Variants in SPON1 observed in about 807,000 individuals in gnomAD.
The protein encoded by SPON1 is spondin-1.
SPON1 carries 52 observed loss-of-function variants against 111.7 expected under a neutral mutation model. The observed-to-expected ratio is 0.47, with a 90% CI of 0.37 to 0.59. The LOEUF (loss-of-function observed/expected upper bound fraction) is 0.59, where lower values mean the gene tolerates loss of function less well. Among genes scored for constraint, SPON1 ranks in the 20% least tolerant of loss-of-function variants. The pLI is 0.00. For missense variants in SPON1, 957 were observed against 1,068.5 expected, an observed-to-expected ratio of 0.90 and a Z score of 1.46; for synonymous variants, 410 against 395.8, an observed-to-expected ratio of 1.04 and a Z score of -0.43.
intron 6 of SPON1, among the ~76,000 whole-genome samples, chr11:14,179,302 A>C (rs1554933480): frequency 6.6e-6 from 1 of 152,176 alleles, no homozygotes; most frequent in Admixed American, 6.5e-5. Context: ...TTCCACATAA[A>C]AGGGTCAAGA....
intron 6 of SPON1, among the ~76,000 whole-genome samples, chr11:14,198,660 C>T (rs182968319): frequency 3.8e-4 from 58 of 152,290 alleles, no homozygotes; most frequent in East Asian, 2.9e-3. Flanking sequence ...TCATTCAGGG[C>T]GTGGGCCCTG....
chr11:14,244,696 G>A (rs570179807), intron 7 of SPON1, among the ~76,000 whole-genome samples: 10 of 152,118 alleles, frequency 6.6e-5, no homozygotes, highest in African/African-American at 9.7e-5. Context: ...GCAGTGAGCC[G>A]TGATCGCACC....
chr11:14,259,224 C>G lies in SPON1; in HGVS notation c.1493-56C>G. The G allele has an allele frequency of 2.0e-6, 3 of 1,504,656 alleles. No homozygotes were observed. Among genetic ancestry groups the G allele is most frequent in the South Asian group, 2.6e-5 (2 of 77,044 alleles). 93.2% of individuals were successfully genotyped at this position (1,504,656 alleles called of 1,614,324 possible). A position where few individuals can be genotyped will look rare whatever the true frequency, so the allele number is the denominator to read the frequency against. On this transcript the variant is annotated intron_variant, in intron 11 of 15. Transcript: ENST00000576479. The surrounding 1 kb of genome is among the most constrained non-coding windows in gnomAD (Gnocchi z 5.0). Reference sequence around the variant, plus strand: ...TGGCGGGAAGTTCCCACCGCGCAGCCTGGCAGGCGCCCCTGCCACCGTGCA... The same window carrying G: ...TGGCGGGAAGTTCCCACCGCGCAGCGTGGCAGGCGCCCCTGCCACCGTGCA...
chr11:14,053,903 G>A (rs7928421), intron 3 of SPON1, among the ~76,000 whole-genome samples: 8,775 of 152,234 alleles, frequency 0.058, 845 homozygotes, highest in African/African-American at 0.2. Flanking sequence ...TGGAAGAAGC[G>A]AGGGCAGAAG....
intron 7 of SPON1, among the ~76,000 whole-genome samples, chr11:14,244,516 C>CAAAA (rs1335324550): frequency 9.1e-6 from 1 of 109,790 alleles, no homozygotes; most frequent in Non-Finnish European, 1.9e-5. Flanking sequence ...GAATCCATCT[C>CAAAA]AAAAAAAAAA....
chr11:14,008,186 C>T (rs1192233251), intron 2 of SPON1, among the ~76,000 whole-genome samples: 5 of 152,102 alleles, frequency 3.3e-5, no homozygotes, highest in Non-Finnish European at 5.9e-5. Flanking sequence ...CAAAGTATTA[C>T]ATCACATTAG....
Position 14,079,977 on chromosome 11 carries a change from T to C in SPON1, c.632T>C (p.Phe211Ser), listed in dbSNP as rs1353110811. The change falls in exon 5 of 16, where the codon TTT (phenylalanine) becomes TCT (serine). Residue 211 changes from phenylalanine (F) to serine (S), a missense_variant. Phe to Ser is a radical substitution (Grantham distance 155, BLOSUM62 -2). Coordinates refer to ENST00000576479, the MANE Select transcript of SPON1 (RefSeq NM_006108.4). ...GGAACTGCCAAGTACAGACTCACATTTTATGGGAATTGGTCCGAGAAGACA... is the reference window on the plus strand; with the variant it reads ...GGAACTGCCAAGTACAGACTCACATCTTATGGGAATTGGTCCGAGAAGACA... ...ACGTAKYRLT[F>S]YGNWSEKTHP... 1 of 1,613,836 alleles carries C rather than the reference T, an allele frequency of 6.2e-7. No individual in the cohort carries two copies. Among genetic ancestry groups the C allele is most frequent in the Non-Finnish European group, 8.5e-7 (1 of 1,179,884 alleles).
chr11:14,157,526 A>G (rs184574614), intron 6 of SPON1, among the ~76,000 whole-genome samples: 3 of 152,102 alleles, frequency 2.0e-5, no homozygotes, highest in Non-Finnish European at 4.4e-5. Flanking sequence ...ATTTATATTT[A>G]TTGTTTTTGA....
chr11:14,010,852 A>G (rs1375803567), intron 2 of SPON1, among the ~76,000 whole-genome samples: 2 of 152,222 alleles, frequency 1.3e-5, no homozygotes, highest in Non-Finnish European at 2.9e-5. Flanking sequence ...GCTTGAAGAC[A>G]TATTACTGTC....
At chr11:14,091,811 C>T (rs55804036) in intron 5 of SPON1, among the ~76,000 whole-genome samples, 11,854 of 152,280 alleles carry the variant, frequency 0.078, 612 homozygotes, top group Middle Eastern at 0.12. Context: ...TCCTCAAATG[C>T]CGCCAAAGTA....
At chr11:14,151,041 T>A (rs1367715931) in intron 6 of SPON1, among the ~76,000 whole-genome samples, 1 of 152,234 alleles carries the variant, frequency 6.6e-6, no homozygotes, top group Non-Finnish European at 1.5e-5. Context: ...TTTGGCTACA[T>A]GGAGTAGCTG....
chr11:14,200,997 C>T (rs1237890745), intron 6 of SPON1, among the ~76,000 whole-genome samples: 1 of 151,928 alleles, frequency 6.6e-6, no homozygotes, highest in Non-Finnish European at 1.5e-5. Context: ...GGCAAGTTAC[C>T]TACCTCTCTG....
At chr11:14,093,097 T>A (rs1849071791) in intron 5 of SPON1, among the ~76,000 whole-genome samples, 1 of 152,230 alleles carries the variant, frequency 6.6e-6, no homozygotes, top group African/African-American at 2.4e-5. Flanking sequence ...GCAGAGATCC[T>A]AACTTAGAAG....
intron 3 of SPON1, among the ~76,000 whole-genome samples, chr11:14,073,069 C>T (rs1848889638): frequency 6.6e-6 from 1 of 152,024 alleles, no homozygotes; most frequent in African/African-American, 2.4e-5. Flanking sequence ...GGATGGGACC[C>T]AAGTCTAAAC....
intron 6 of SPON1, among the ~76,000 whole-genome samples, chr11:14,240,340 G>A (rs7948160): frequency 0.74 from 112,335 of 152,168 alleles, 41,699 homozygotes; most frequent in Non-Finnish European, 0.77. Context: ...CTGCTTTCTT[G>A]TTTCATTTAA....
chr11:14,028,855 C>T (rs1275386419), intron 2 of SPON1, among the ~76,000 whole-genome samples: 1 of 152,136 alleles, frequency 6.6e-6, no homozygotes, highest in African/African-American at 2.4e-5. Context: ...CTGCTGGCTC[C>T]AAAGTCCACA....
At chr11:14,108,066 C>T (rs181728636) in intron 5 of SPON1, among the ~76,000 whole-genome samples, 2 of 152,264 alleles carry the variant, frequency 1.3e-5, no homozygotes, top group Non-Finnish European at 1.5e-5. Flanking sequence ...CATTTACTAG[C>T]TGTAGCACCT....
chr11:14,245,497 G>A (rs931857032), intron 7 of SPON1, among the ~76,000 whole-genome samples: 2 of 152,168 alleles, frequency 1.3e-5, no homozygotes, highest in African/African-American at 4.8e-5. Context: ...GGGGATAAAT[G>A]TTAGGGTGAG....
At chr11:14,148,073 G>C (rs1183081677) in intron 6 of SPON1, among the ~76,000 whole-genome samples, 1 of 152,142 alleles carries the variant, frequency 6.6e-6, no homozygotes, top group African/African-American at 2.4e-5. Context: ...AGTTCAGTCA[G>C]AAATTTATAT....
Sources: gnomAD v4.1 joint callset for allele counts (sites outside exome capture counted in the v4.1 genomes callset) on GRCh38, gnomAD v4.1.1 for gene constraint, Gnocchi (gnomAD v3.1) non-coding constraint, MANE v1.5 for transcripts, NCBI Gene and HGNC (gene_info 2026-07-23, HGNC 2026-07-21) for gene names.